Variants in TBL2 observed in about 807,000 individuals in gnomAD.
TBL2 encodes transducin beta-like protein 2.
TBL2 carries 33 observed loss-of-function variants against 41.8 expected under a neutral mutation model. That is an observed-to-expected ratio of 0.79 (90% CI 0.60 to 1.06). TBL2 has a LOEUF of 1.06. Ranked by LOEUF, TBL2 falls within the 50% of genes least tolerant of loss-of-function variation. TBL2 has a pLI of 0.00. For missense variants in TBL2, 522 were observed against 603.8 expected (o/e 0.86, Z 1.42); for synonymous variants, 239 against 241.7 (o/e 0.99, Z 0.10).
rs1554589463 is a variant in TBL2 at position 73,578,405 on chromosome 7, C to A, written c.130+15G>T. On this transcript the variant is annotated intron_variant, in intron 1 of 6. Transcript: ENST00000305632. ...GACACCGCGGGCCGCCCCCACCCGACCCGGCCCCACTTACAGGCGGGCCGG... is the reference window on the plus strand; with the variant it reads ...GACACCGCGGGCCGCCCCCACCCGAACCGGCCCCACTTACAGGCGGGCCGG... The A allele has an allele frequency of 1.3e-6, 2 of 1,524,508 alleles. No individual in the cohort carries two copies. The highest frequency in any genetic ancestry group is 2.1e-5 in the Admixed American group (1 of 47,974). The allele number at this position is 1,524,508 out of a possible 1,614,324, so 94.4% of individuals were successfully genotyped here.
At chr7:73,574,656 G>T in intron 1 of TBL2, 143 bp from the exon 2 acceptor site, 1 of 1,183,776 alleles carries the variant, frequency 8.4e-7, no homozygotes, top group East Asian at 2.5e-5. Flanking sequence ...AGTGTGATAT[G>T]GGCAAAAACA....
intron 1 of TBL2, among the ~76,000 whole-genome samples, chr7:73,575,037 T>C (rs1584034104): frequency 6.6e-6 from 1 of 151,948 alleles, no homozygotes; most frequent in Admixed American, 6.5e-5. Context: ...GACATCCCTA[T>C]GTAGGGAGTA....
In TBL2 at chr7:73,570,945, T is replaced by C; in HGVS notation, c.906A>G (p.Thr302=). The C allele has an allele frequency of 1.9e-6, 3 of 1,608,914 alleles. No individual in the cohort carries two copies. The highest frequency in any genetic ancestry group is 2.5e-6 in the Non-Finnish European group (3 of 1,177,034). The part of the protein sequence containing the change: ...RRMASVSKDG[T]WKLWDTDVEY... Reference sequence around the variant, plus strand: ...CCACATCTGTGTCCCACAGTTTCCATGTACCATCCTTGGAGACAGAAGCCA... The same window carrying C: ...CCACATCTGTGTCCCACAGTTTCCACGTACCATCCTTGGAGACAGAAGCCA... Residue 302 remains threonine, a synonymous_variant, in exon 7 of 7, where the codon ACA becomes ACG. Coordinates refer to ENST00000305632, the MANE Select transcript of TBL2 (RefSeq NM_012453.4).
In TBL2 at chr7:73,568,575, G is replaced by C. The variant is rs1554586607; in HGVS notation, c.*1932C>G. On this transcript the variant is annotated 3_prime_UTR_variant, in exon 7 of 7. Coordinates refer to ENST00000305632, the MANE Select transcript of TBL2 (RefSeq NM_012453.4). ...CCATCTGACATTCATAGCATTTAGA[G>C]GGGGGACGAAGCCAGGTTACACAGG... is the stretch of plus-strand genomic sequence containing the variant. 2.0e-5 allele frequency among the ~76,000 whole-genome samples: 3 copies of C among 152,036 alleles called. No homozygotes were observed. Among genetic ancestry groups the C allele is most frequent in the South Asian group, 2.1e-4 (1 of 4,832 alleles).
rs782624475 is a variant in TBL2, at chr7:73,571,218, GT to G, written c.848del (p.His283ProfsTer39). The G allele has an allele frequency of 6.2e-7, 1 of 1,614,232 alleles. No individual in the cohort carries two copies. The highest frequency in any genetic ancestry group is 8.5e-7 in the Non-Finnish European group (1 of 1,180,052). On this transcript the variant is annotated frameshift_variant, in exon 6 of 7. Transcript: ENST00000305632. LOFTEE classifies it high-confidence loss of function. ...FELKGHSAAV[H>X]SFAFSNDSRR... is the part of the protein sequence containing the mutation. ...GTGAGTCGTTGGAGAAAGCAAACGA[GT>G]GCACAGCCGCGGAGTGGCCCTTTAG...
In TBL2 at chr7:73,571,316, G is replaced by A. The variant is rs1554587538; in HGVS notation, c.751C>T (p.Pro251Ser). The change falls in exon 6 of 7, where the codon CCA (proline) becomes TCA (serine). Residue 251 changes from proline to serine, a missense_variant. Physicochemically the swap from Pro to Ser is moderately conservative, Grantham distance 74. Transcript: ENST00000305632. ...GRFVASCGFT[P>S]DVKVWEVCFG... ...CAGACTTCCCAAACCTTCACATCTG[G>A]GGTGAAGCCACACGAGGCTACAAAT... The A allele has an allele frequency of 6.2e-7, 1 of 1,614,152 alleles. No individual in the cohort carries two copies. The highest frequency in any genetic ancestry group is 1.1e-5 in the South Asian group (1 of 91,082).
chr7:73,572,029 C>T, intron 5 of TBL2: 1 of 158,714 alleles, frequency 6.3e-6, no homozygotes, highest in Non-Finnish European at 1.4e-5. Flanking sequence ...TGCCATTGCA[C>T]TCCAACCTAA....
Position 73,574,006 on chromosome 7 carries a change from C to T in TBL2, c.378G>A (p.Glu126=), listed in dbSNP as rs1554588321. 5 of 1,614,106 alleles carry T rather than the reference C, an allele frequency of 3.1e-6. No individual in the cohort carries two copies. The highest frequency in any genetic ancestry group is 4.2e-6 in the Non-Finnish European group (5 of 1,180,048). Residue 126 remains glutamate (E), a synonymous_variant, in exon 3 of 7, where the codon GAG becomes GAA. Transcript: ENST00000305632. ...CCACGTTGGCTCTCATGCTGCGGTG[C>T]TCTCGCTGCAGGAAGTCCTTGGTGC... is the stretch of plus-strand genomic sequence containing the variant. ...IWSTKDFLQR[E]HRSMRANVEL...
In TBL2 at chr7:73,578,543, G is replaced by C. The variant is rs782574450; in HGVS notation, c.7C>G (p.Leu3Val). The C allele has an allele frequency of 6.3e-7, 1 of 1,591,616 alleles. No homozygotes were observed. Among genetic ancestry groups the C allele is most frequent in the South Asian group, 1.1e-5 (1 of 89,080 alleles). ME[L>V]SQMSELMGLS... ...CCCATGAGCTCCGACATCTGCGAGA[G>C]CTCCATGTTGGTGGAACCACTGCCA... is the stretch of plus-strand genomic sequence containing the variant. Residue 3 changes from leucine to valine, a missense_variant, in exon 1 of 7, where the codon CTC becomes GTC. By Grantham distance (32) the Leu-to-Val change is conservative. Transcript: ENST00000305632.
chr7:73,568,449 C>G lies in TBL2; in HGVS notation c.*2058G>C, dbSNP rs148762597. ...TCCTGAATAAGTAGCAGCCACCCCC[C>G]ATCCTGCAGGCAGGACACAAGCCCG... is the stretch of plus-strand genomic sequence containing the variant. On this transcript the variant is annotated 3_prime_UTR_variant, in exon 7 of 7. Transcript: ENST00000305632. 6.6e-6 allele frequency among the ~76,000 whole-genome samples: 1 copy of G among 152,288 alleles called. No individual in the cohort carries two copies. The highest frequency in any genetic ancestry group is 2.4e-5 in the African/African-American group (1 of 41,554).
At position 73,574,489 on chromosome 7, in the gene TBL2, G is replaced by C. The variant is rs781838197; in HGVS notation, c.155C>G (p.Pro52Arg). Residue 52 changes from proline (P) to arginine (R), a missense_variant, in exon 2 of 7, where the codon CCT becomes CGT. Pro to Arg is a moderately radical substitution (Grantham distance 103). Transcript: ENST00000305632. ...CTTCTTGGATCCCGAAGATTTGTCAGGTGGAAATCCATTTGCTTTTTGGCC... is the reference window on the plus strand; with the variant it reads ...CTTCTTGGATCCCGAAGATTTGTCACGTGGAAATCCATTTGCTTTTTGGCC... ...PACQKANGFP[P>R]DKSSGSKKQK... 13 of 1,614,102 alleles carry C rather than the reference G, an allele frequency of 8.1e-6. No homozygotes were observed. Among genetic ancestry groups the C allele is most frequent in the East Asian group, 4.5e-5 (2 of 44,904 alleles).
At chr7:73,578,297 G>A (rs1042801743) in intron 1 of TBL2, 123 bp downstream of exon 1, 16 of 1,535,626 alleles carry the variant, frequency 1.0e-5, no homozygotes, top group Middle Eastern at 1.8e-4. Flanking sequence ...TACCAGAGGA[G>A]AAACTGAGGC....
At chr7:73,574,244 G>A (rs1356430637) in intron 2 of TBL2, 122 bp from the exon 3 acceptor site, 11 of 1,517,016 alleles carry the variant, frequency 7.3e-6, no homozygotes, top group Non-Finnish European at 9.8e-6. Context: ...ATTGGGCTGC[G>A]ATGAGAGGGG....
chr7:73,574,159 C>T, intron 2 of TBL2, 37 bp from the exon 3 acceptor site: 3 of 1,605,278 alleles, frequency 1.9e-6, no homozygotes, highest in African/African-American at 1.3e-5. Flanking sequence ...AATAGGAGCT[C>T]CTGGGGGAGA....
At chr7:73,573,825 C>G in intron 3 of TBL2, 113 bp downstream of exon 3, 1 of 1,361,000 alleles carries the variant, frequency 7.3e-7, no homozygotes, top group Non-Finnish European at 9.9e-7. Context: ...TTCTGGCACC[C>G]CAAGGGAGGC....
chr7:73,576,589 G>C (rs1339402711), intron 1 of TBL2: 3 of 456,366 alleles, frequency 6.6e-6, no homozygotes, highest in South Asian at 4.6e-5. Flanking sequence ...GTCCTGTGCG[G>C]GGGAGTGGAG....
intron 1 of TBL2, chr7:73,578,013 T>C (rs1793446835): frequency 2.0e-6 from 1 of 488,518 alleles, no homozygotes; most frequent in East Asian, 3.5e-5. Flanking sequence ...TCTCCTTTAC[T>C]GGACTCCTTA....
chr7:73,577,264 C>CCCCA (rs782149543), intron 1 of TBL2, among the ~76,000 whole-genome samples: 65 of 98,070 alleles, frequency 6.6e-4, no homozygotes, highest in Non-Finnish European at 7.6e-4. Context: ...CGTCCCCCTG[C>CCCCA]AAAAAAAAAA....
Position 73,572,695 on chromosome 7 carries a change from G to C in TBL2, c.725+149C>G, listed in dbSNP as rs188350254. 20 of 1,034,478 alleles carry C rather than the reference G, an allele frequency of 1.9e-5. No individual in the cohort carries two copies. In the African/African-American group the frequency reaches 3.2e-4, roughly 17 times the overall value. 64.1% of individuals were successfully genotyped at this position (1,034,478 alleles called of 1,614,324 possible). On this transcript the variant is annotated intron_variant, in intron 5 of 6. Coordinates refer to ENST00000305632, the MANE Select transcript of TBL2 (RefSeq NM_012453.4). ...GCGACCTGCATGAAATCCCACTACT[G>C]CAAGTGGGGAGAGCTGAGACTTGAA...
Sources: allele counts gnomAD v4.1 joint callset (sites outside exome capture counted in the v4.1 genomes callset), GRCh38; gene constraint gnomAD v4.1.1; transcripts MANE v1.5; gene names NCBI Gene and HGNC (gene_info 2026-07-23, HGNC 2026-07-21).